Variants in ATF6 observed in about 807,000 individuals in gnomAD.
ATF6 encodes activating transcription factor 6.
In ATF6, 53 loss-of-function variants were observed where a neutral mutation model predicts 83.6. The observed-to-expected ratio is 0.63, with a 90% CI of 0.51 to 0.80. ATF6 has a LOEUF of 0.80. Ranked by LOEUF, ATF6 falls within the 30% of genes least tolerant of loss-of-function variation. The pLI is 0.00. For missense variants in ATF6, 744 were observed against 797.9 expected, an observed-to-expected ratio of 0.93 and a Z score of 0.81; for synonymous variants, 288 against 285.8, an observed-to-expected ratio of 1.01 and a Z score of -0.08.
chr1:161,849,976 T>A (rs1325424063), intron 10 of ATF6, among the ~76,000 whole-genome samples: 1 of 152,202 alleles, frequency 6.6e-6, no homozygotes, highest in Non-Finnish European at 1.5e-5. Flanking sequence ...TTGTTGATAC[T>A]CTTCCCCAAA....
rs1456969006 is a variant in ATF6, at chr1:161,827,409, T to C, written c.1187+6248T>C. Among the ~76,000 whole-genome samples, 7 of 152,184 alleles carry C rather than the reference T, an allele frequency of 4.6e-5. No individual in the cohort carries two copies. In the East Asian group the frequency reaches 9.6e-4, roughly 21 times the overall value. ...TTAAGCATGCATTATTATGTTTTAATTGGAAAATGCATAGGCTTTAAAAAA... is the reference window on the plus strand; with the variant it reads ...TTAAGCATGCATTATTATGTTTTAACTGGAAAATGCATAGGCTTTAAAAAA... On this transcript the variant is annotated intron_variant, in intron 9 of 15. Transcript: ENST00000367942.
intron 4 of ATF6, among the ~76,000 whole-genome samples, chr1:161,787,953 A>G (rs975416380): frequency 2.0e-4 from 30 of 152,374 alleles, no homozygotes; most frequent in Middle Eastern, 3.4e-3. Context: ...TGTGTACATC[A>G]AATCTGTTGC....
chr1:161,777,572 A>G (rs1684544163), intron 1 of ATF6, among the ~76,000 whole-genome samples: 1 of 152,228 alleles, frequency 6.6e-6, no homozygotes, highest in Non-Finnish European at 1.5e-5. Flanking sequence ...AACTTCATAG[A>G]TTCTATGGTG....
intron 15 of ATF6, among the ~76,000 whole-genome samples, chr1:161,956,847 A>G (rs2499856): frequency 0.9 from 137,413 of 152,266 alleles, 62,165 homozygotes; most frequent in African/African-American, 0.96. Context: ...CTTAGAATTG[A>G]TAGATTAGAT....
chr1:161,859,038 G>A (rs543806243), intron 12 of ATF6, among the ~76,000 whole-genome samples: 23 of 152,114 alleles, frequency 1.5e-4, no homozygotes, highest in African/African-American at 5.3e-4. Context: ...TTTAGTTTTG[G>A]TTTTATTTAC....
chr1:161,841,827 A>G (rs1686364935), intron 9 of ATF6, among the ~76,000 whole-genome samples: 1 of 152,204 alleles, frequency 6.6e-6, no homozygotes, highest in Non-Finnish European at 1.5e-5. Flanking sequence ...TATGAGCCAA[A>G]CCAATCAACA....
intron 14 of ATF6, among the ~76,000 whole-genome samples, chr1:161,894,339 T>A (rs1227946178): frequency 2.0e-5 from 3 of 151,652 alleles, no homozygotes; most frequent in African/African-American, 7.3e-5. Flanking sequence ...TGATTGGAAG[T>A]TGAAATTAGT....
intron 14 of ATF6, among the ~76,000 whole-genome samples, chr1:161,866,255 A>T (rs998271922): frequency 2.0e-5 from 3 of 152,248 alleles, no homozygotes; most frequent in African/African-American, 7.2e-5. Context: ...ATATCTAAAG[A>T]TGTAGAAGTA....
intron 9 of ATF6, among the ~76,000 whole-genome samples, chr1:161,834,163 A>G (rs947437339): frequency 3.2e-4 from 49 of 152,346 alleles, no homozygotes; most frequent in Admixed American, 1.6e-3. Flanking sequence ...ACTAAGCTTC[A>G]TAAGTGAAGG....
At chr1:161,773,624 G>A (rs942607600) in intron 1 of ATF6, among the ~76,000 whole-genome samples, 1 of 152,124 alleles carries the variant, frequency 6.6e-6, no homozygotes, top group African/African-American at 2.4e-5. Context: ...CAGTGACTGT[G>A]TCTGATCTTA....
rs1571124032 is a variant in ATF6 at position 161,782,061 on chromosome 1, A to G, written c.247+62A>G. On this transcript the variant is annotated intron_variant, in intron 3 of 15. Coordinates refer to ENST00000367942, the MANE Select transcript of ATF6 (RefSeq NM_007348.4). ...ATCAATTTTATTTTGTAGTTTGGTC[A>G]TACTCAAAATTAGGTGGGGTTATTG... 4.1e-6 allele frequency: 5 copies of G among 1,207,056 alleles called. No homozygotes were observed. The African/African-American group carries it at 7.6e-5, about 18-fold the overall frequency. The allele number at this position is 1,207,056 out of a possible 1,614,324, so 74.8% of individuals were successfully genotyped here.
At chr1:161,767,823 T>C (rs1035481043) in intron 1 of ATF6, among the ~76,000 whole-genome samples, 3 of 152,202 alleles carry the variant, frequency 2.0e-5, no homozygotes, top group Non-Finnish European at 4.4e-5. Context: ...TTTTGTCAGC[T>C]AGTCAGCTAT....
At chr1:161,924,996 G>A (rs1466721726) in intron 15 of ATF6, among the ~76,000 whole-genome samples, 1 of 152,138 alleles carries the variant, frequency 6.6e-6, no homozygotes, top group Non-Finnish European at 1.5e-5. Flanking sequence ...AAATAGCTCT[G>A]GCAATTTGTA....
intron 14 of ATF6, among the ~76,000 whole-genome samples, chr1:161,900,888 A>G (rs1237736984): frequency 6.6e-6 from 1 of 152,150 alleles, no homozygotes; most frequent in Non-Finnish European, 1.5e-5. Context: ...TTGATTAAAA[A>G]AAGTATTTTC....
In ATF6 at chr1:161,945,315, T is replaced by C. The variant is rs1688727360; in HGVS notation, c.1805-13131T>C. Among the ~76,000 whole-genome samples, 5 of 152,260 alleles carry C rather than the reference T, an allele frequency of 3.3e-5. 1 individual carries two copies. In the South Asian group the frequency reaches 1.0e-3, roughly 31 times the overall value. The stretch of plus-strand genomic sequence containing the variant: ...CAAAACACCAATGCCCTCAGTCACC[T>C]TCTTATTCCATTCCCATTTGCTCCA... On this transcript the variant is annotated intron_variant, in intron 15 of 15. Coordinates refer to ENST00000367942, the MANE Select transcript of ATF6 (RefSeq NM_007348.4).
Position 161,949,840 on chromosome 1 carries a change from T to G in ATF6, c.1805-8606T>G, listed in dbSNP as rs561604170. On this transcript the variant is annotated intron_variant, in intron 15 of 15. Transcript: ENST00000367942. ...CAAATACCTCCCATTAAGCCCCACC[T>G]CCAACATTAGAGATCAGATTCCAAC... 2.1e-4 allele frequency among the ~76,000 whole-genome samples: 32 copies of G among 152,150 alleles called. 1 individual carries two copies. In the East Asian group the frequency reaches 6.2e-3, roughly 29 times the overall value.
intron 4 of ATF6, 99 bp downstream of exon 4, chr1:161,784,195 A>G (rs1160872788): frequency 2.5e-6 from 2 of 806,474 alleles, no homozygotes; most frequent in Non-Finnish European, 4.0e-6. Flanking sequence ...TACTACTATG[A>G]GTTATATTGT....
chr1:161,941,180 C>G (rs1688635563), intron 15 of ATF6, among the ~76,000 whole-genome samples: 1 of 152,232 alleles, frequency 6.6e-6, no homozygotes, highest in African/African-American at 2.4e-5. Flanking sequence ...ACCCTATCAA[C>G]TGAATCTGCT....
At chr1:161,791,104 CTCTGTG>C (rs1684868824) in intron 4 of ATF6, among the ~76,000 whole-genome samples, 2 of 98,736 alleles carry the variant, frequency 2.0e-5, no homozygotes, top group African/African-American at 1.0e-4. Flanking sequence ...GTGTGTGTGT[CTCTGTG>C]TGTGTGTGTG....
Sources: gnomAD v4.1 joint callset for allele counts (sites outside exome capture counted in the v4.1 genomes callset) on GRCh38, gnomAD v4.1.1 for gene constraint, MANE v1.5 for transcripts, NCBI Gene and HGNC (gene_info 2026-07-23, HGNC 2026-07-21) for gene names.